Variants in TMEM132A observed in about 807,000 individuals in gnomAD.
TMEM132A encodes GRP78-binding protein.
In TMEM132A, 48 loss-of-function variants were observed where a neutral mutation model predicts 69.9. The ratio of observed to expected loss-of-function variants is 0.69; its 90% CI spans 0.55 to 0.87. The LOEUF (loss-of-function observed/expected upper bound fraction) is 0.87, where lower values mean the gene tolerates loss of function less well. Ranked by LOEUF, TMEM132A falls within the 40% of genes least tolerant of loss-of-function variation. The pLI is 0.00. For missense variants in TMEM132A, 1,287 were observed against 1,407.2 expected (o/e 0.91, Z 1.37); for synonymous variants, 577 against 613.7 (o/e 0.94, Z 0.88).
chr11:60,928,808 G>T lies in TMEM132A; in HGVS notation c.714G>T (p.Glu238Asp), dbSNP rs1856409089. 3.7e-6 allele frequency: 6 copies of T among 1,611,450 alleles called. No homozygotes were observed. In the East Asian group the frequency reaches 1.3e-4, roughly 36 times the overall value. Reference protein sequence around the residue: ...GEQALPVGGVELRPADPPQYQ... With the variant: ...GEQALPVGGVDLRPADPPQYQ... ...AGGCCCTCCCAGTGGGGGGTGTGGA[G>T]CTGCGCCCAGCAGACCCCCCGCAGT... Residue 238 changes from glutamate to aspartate, a missense_variant, in exon 4 of 11, where the codon GAG (glutamate) becomes GAT (aspartate). By Grantham distance (45) the Glu-to-Asp change is conservative (BLOSUM62 2). Coordinates refer to ENST00000453848, the MANE Select transcript of TMEM132A (RefSeq NM_178031.3).
Position 60,931,789 on chromosome 11 carries a change from T to C in TMEM132A, c.1117T>C (p.Tyr373His), listed in dbSNP as rs754289821. 1 of 1,613,990 alleles carries C rather than the reference T, an allele frequency of 6.2e-7. No individual in the cohort carries two copies. Among genetic ancestry groups the C allele is most frequent in the African/African-American group, 1.3e-5 (1 of 74,894 alleles). ...TCGCCCCGTCACGTGGCAGCTGGAG[T>C]ACCCAGGCCAGGCCCCTGAAGCAGA... ...VTRPVTWQLEYPGQAPEAEKD... is the reference protein window; with the variant it reads ...VTRPVTWQLEHPGQAPEAEKD... Residue 373 changes from tyrosine to histidine, a missense_variant, in exon 6 of 11, where the codon TAC (tyrosine) becomes CAC (histidine). By Grantham distance (83) the Tyr-to-His change is moderately conservative. Coordinates refer to ENST00000453848, the MANE Select transcript of TMEM132A (RefSeq NM_178031.3).
chr11:60,932,777 G>A (rs1042882597), intron 7 of TMEM132A: 1 of 152,226 alleles, frequency 6.6e-6, no homozygotes, highest in Non-Finnish European at 1.5e-5. Context: ...AAGGGGGAAG[G>A]TGCCTTTCCC....
intron 8 of TMEM132A, chr11:60,934,124 G>T (rs1451330217): frequency 5.4e-6 from 2 of 367,460 alleles, no homozygotes; most frequent in East Asian, 9.1e-5. Flanking sequence ...CTCAGGAAAT[G>T]AACACCCTCG....
At chr11:60,925,340 T>G (rs1037591270) in intron 1 of TMEM132A, 1 of 152,452 alleles carries the variant, frequency 6.6e-6, no homozygotes, top group African/African-American at 2.4e-5. Context: ...TCCCTTGGCC[T>G]GGGCTAGCTG....
At chr11:60,927,504 C>T in intron 2 of TMEM132A, 86 bp downstream of exon 2, 1 of 1,441,834 alleles carries the variant, frequency 6.9e-7, no homozygotes, top group Non-Finnish European at 9.4e-7. Context: ...CTTCCCCAGC[C>T]CCGGCTGTGC....
At position 60,933,665 on chromosome 11, in the gene TMEM132A, C is replaced by G. The variant is rs1365023416; in HGVS notation, c.1480C>G (p.Leu494Val). 3.7e-6 allele frequency: 6 copies of G among 1,605,084 alleles called. 1 individual carries two copies. In the South Asian group the frequency reaches 6.6e-5, roughly 18 times the overall value. ...GCTGCGGCTGACCGTGTGGGCCCCC[C>G]TGCTACCGCTGCGTATCGAGCTCAC... ...ASLRLTVWAP[L>V]LPLRIELTDT... The change falls in exon 8 of 11, where the codon CTG (leucine) becomes GTG (valine). Residue 494 changes from leucine (L) to valine (V), a missense_variant. Physicochemically the swap from Leu to Val is conservative, Grantham distance 32 (BLOSUM62 1). Transcript: ENST00000453848.
rs763877352 is a variant in TMEM132A, at chr11:60,936,095, C to CGTG, written c.2261_2263dup (p.Arg754_Val755insGly). On this transcript the variant is annotated inframe_insertion, in exon 11 of 11. Coordinates refer to ENST00000453848, the MANE Select transcript of TMEM132A (RefSeq NM_178031.3). ...CGAGCCCTGCCGCCGGGGCCGCCACCGTGTGCCTCTGGCCTCTGGCACCGC... is the reference window on the plus strand; with the variant it reads ...CGAGCCCTGCCGCCGGGGCCGCCACCGTGGTGTGCCTCTGGCCTCTGGCACCGC... The CGTG allele has an allele frequency of 5.0e-6, 8 of 1,611,340 alleles. No homozygotes were observed. The highest frequency in any genetic ancestry group is 6.8e-6 in the Non-Finnish European group (8 of 1,178,964).
chr11:60,926,928 C>T lies in TMEM132A; in HGVS notation c.101-276C>T, dbSNP rs572151246. The T allele has an allele frequency of 1.1e-3, 604 of 528,958 alleles. 1 individual carries two copies. The highest frequency in any genetic ancestry group is 1.8e-3 in the East Asian group (53 of 30,084). 32.8% of individuals were successfully genotyped at this position (528,958 alleles called of 1,614,324 possible). On this transcript the variant is annotated intron_variant, in intron 1 of 10. Transcript: ENST00000453848. Reference sequence around the variant, plus strand: ...AAGGAGACATTGAGAAGGCTGTTGGCGAGAAGAAGGCCAAGGTCTGTGGAA... The same window carrying T: ...AAGGAGACATTGAGAAGGCTGTTGGTGAGAAGAAGGCCAAGGTCTGTGGAA...
In TMEM132A at chr11:60,935,574, G is replaced by C; in HGVS notation, c.2028+131G>C. 1.0e-6 allele frequency: 1 copy of C among 1,002,138 alleles called. No individual in the cohort carries two copies. 62.1% of individuals were successfully genotyped at this position (1,002,138 alleles called of 1,614,324 possible). A position where few individuals can be genotyped will look rare whatever the true frequency, so the allele number is the denominator to read the frequency against. On this transcript the variant is annotated intron_variant, in intron 10 of 10. Transcript: ENST00000453848. This position sits in a 1 kb window ranked among gnomAD's most constrained non-coding sequence, Gnocchi z 5.0. ...TTCAGAGTGAGGACTGACTCTGTGA[G>C]GTAGTGAGCTCTCTGCAGCTGGAGG...
Position 60,928,956 on chromosome 11 carries a change from CTGCGGTGA to C in TMEM132A, c.863_866+4del. 6.2e-7 allele frequency: 1 copy of C among 1,612,152 alleles called. No homozygotes were observed. The highest frequency in any genetic ancestry group is 8.5e-7 in the Non-Finnish European group (1 of 1,180,002). Reference sequence around the variant, plus strand: ...CAACTTCACAGCCAGCCTCCTGACCCTGCGGTGAGCACCAGGCCACGGGGATGGGTGAG... The same window carrying C: ...CAACTTCACAGCCAGCCTCCTGACCCGCACCAGGCCACGGGGATGGGTGAG... On this transcript the variant is annotated splice_donor_variant and splice_donor_region_variant and coding_sequence_variant and intron_variant, in exon 4 of 11. Transcript: ENST00000453848. LOFTEE classifies it high-confidence loss of function.
intron 7 of TMEM132A, 108 bp from the exon 8 acceptor site, chr11:60,933,434 T>C (rs534678331): frequency 8.6e-5 from 75 of 875,268 alleles, no homozygotes; most frequent in Admixed American, 1.7e-4. Flanking sequence ...TCCACCCACC[T>C]CGGCCTCTCA....
chr11:60,927,784 G>A lies in TMEM132A; in HGVS notation c.459G>A (p.Gly153=). 6.2e-7 allele frequency: 1 copy of A among 1,612,858 alleles called. No individual in the cohort carries two copies. The highest frequency in any genetic ancestry group is 8.5e-7 in the Non-Finnish European group (1 of 1,180,004). The change falls in exon 3 of 11, where the codon GGG becomes GGA. Residue 153 remains glycine, a synonymous_variant. Transcript: ENST00000453848. ...TCAAAGGGCAGGATTGGCCACCAGG[G>A]TCTGGCAGCCTGCCCTGTGCCCGGC... is the stretch of plus-strand genomic sequence containing the variant. ...FHLKGQDWPP[G]SGSLPCARLH... is the part of the protein sequence containing the mutation.
chr11:60,926,998 C>T (rs555704262), intron 1 of TMEM132A: 2 of 620,920 alleles, frequency 3.2e-6, no homozygotes, highest in South Asian at 3.7e-5. Flanking sequence ...GACTCAGATT[C>T]GAATCCTGGC....
rs760495803 is a variant in TMEM132A at position 60,927,314 on chromosome 11, A to T, written c.211A>T (p.Asn71Tyr). 3.7e-6 allele frequency: 6 copies of T among 1,613,304 alleles called. No individual in the cohort carries two copies. The East Asian group carries it at 1.3e-4, about 36-fold the overall frequency. The stretch of plus-strand genomic sequence containing the variant: ...GCAGGTGGGCCACTACCCACCTGCC[A>T]ACTCCTCTCTGAGCTCCCGATCTGA... ...VQQVGHYPPA[N>Y]SSLSSRSETF... Residue 71 changes from asparagine to tyrosine, a missense_variant, in exon 2 of 11, where the codon AAC becomes TAC. Physicochemically the swap from Asn to Tyr is moderately radical, Grantham distance 143 (BLOSUM62 -2). Transcript: ENST00000453848.
At chr11:60,927,538 C>A in intron 2 of TMEM132A, 103 bp from the exon 3 acceptor site, 2 of 1,408,558 alleles carry the variant, frequency 1.4e-6, no homozygotes, top group Non-Finnish European at 1.9e-6. Context: ...GAGGGGGAAA[C>A]TGAGGCCCAT....
At chr11:60,928,590 C>G in intron 3 of TMEM132A, 39 bp from the exon 4 acceptor site, 1 of 1,578,888 alleles carries the variant, frequency 6.3e-7, no homozygotes, top group Non-Finnish European at 8.6e-7. Flanking sequence ...TCGCCCTGCA[C>G]CCACCCCCAT....
At chr11:60,933,396 C>T in intron 7 of TMEM132A, 146 bp from the exon 8 acceptor site, 1 of 628,014 alleles carries the variant, frequency 1.6e-6, no homozygotes, top group Admixed American at 2.9e-5. Context: ...GTTGCCCAGG[C>T]TGGTCTCAAA....
At position 60,935,831 on chromosome 11, in the gene TMEM132A, G is replaced by A. The variant is rs762687352; in HGVS notation, c.2029-33G>A. 24 of 1,605,804 alleles carry A rather than the reference G, an allele frequency of 1.5e-5. No homozygotes were observed. The highest frequency in any genetic ancestry group is 4.4e-5 in the South Asian group (4 of 90,192). On this transcript the variant is annotated intron_variant, in intron 10 of 10. Coordinates refer to ENST00000453848, the MANE Select transcript of TMEM132A (RefSeq NM_178031.3). The surrounding 1 kb of genome is among the most constrained non-coding windows in gnomAD (Gnocchi z 5.0). Reference sequence around the variant, plus strand: ...TCTCTGTGCATGCGTGCGTGCCCTCGCATGTCTCTGCCTGTGTCTGTGTGC... The same window carrying A: ...TCTCTGTGCATGCGTGCGTGCCCTCACATGTCTCTGCCTGTGTCTGTGTGC...
rs2134916446 is a variant in TMEM132A at position 60,936,641 on chromosome 11, C to T, written c.2806C>T (p.Leu936=). 5.1e-6 allele frequency: 8 copies of T among 1,555,978 alleles called. No individual in the cohort carries two copies. Among genetic ancestry groups the T allele is most frequent in the Non-Finnish European group, 6.9e-6 (8 of 1,152,402 alleles). ...TGGGGGAGGAGGGGAGGCCCCTACC[C>T]TGGCCCCTGGCCCTCCTGGGGGCAC... ...ESGGGGEAPT[L]APGPPGGTTS... The change falls in exon 11 of 11, where the codon CTG becomes TTG. Residue 936 remains leucine, a synonymous_variant. Coordinates refer to ENST00000453848, the MANE Select transcript of TMEM132A (RefSeq NM_178031.3).
Sources: gnomAD v4.1 joint callset for allele counts on GRCh38, gnomAD v4.1.1 for gene constraint, Gnocchi (gnomAD v3.1) non-coding constraint, MANE v1.5 for transcripts, NCBI Gene and HGNC (gene_info 2026-07-23, HGNC 2026-07-21) for gene names.